NOS1: variants seen among roughly 807,000 people sequenced by gnomAD.
The protein encoded by NOS1 is NOS type I.
A neutral mutation model predicts 164.5 loss-of-function variants in NOS1; 51 were observed. That is an observed-to-expected ratio of 0.31 (90% CI 0.25 to 0.39). The LOEUF is 0.39. Ranked by LOEUF, NOS1 falls within the 10% of genes least tolerant of loss-of-function variation. The probability of loss-of-function intolerance (pLI) is 1.00; values close to 1 mark genes in which losing one functional copy is unlikely to be tolerated. For missense variants in NOS1, 1,362 were observed against 1,885.6 expected (o/e 0.72, Z 5.14); for synonymous variants, 719 against 745.8 (o/e 0.96, Z 0.59).
intron 2 of NOS1, among the ~76,000 whole-genome samples, chr12:117,313,826 C>T (rs913047132): frequency 1.3e-5 from 2 of 152,222 alleles, no homozygotes; most frequent in African/African-American, 4.8e-5. Flanking sequence ...CCTTTTGGCT[C>T]CCCTATCCAA....
rs895441524 is a variant in NOS1, at chr12:117,213,424, G to A, written c.*1885C>T. On this transcript the variant is annotated 3_prime_UTR_variant, in exon 29 of 29. Coordinates refer to ENST00000317775, the MANE Select transcript of NOS1 (RefSeq NM_000620.5). Reference sequence around the variant, plus strand: ...TGTGGAAGAGTGAGCAGGGGAAATTGGGATTAAAGGAAGGCAGGGGAGATT... The same window carrying A: ...TGTGGAAGAGTGAGCAGGGGAAATTAGGATTAAAGGAAGGCAGGGGAGATT... 1 of 985,488 alleles carries A rather than the reference G, an allele frequency of 1.0e-6. No individual in the cohort carries two copies. Among genetic ancestry groups the A allele is most frequent in the Non-Finnish European group, 1.2e-6 (1 of 829,988 alleles). The allele number at this position is 985,488 out of a possible 1,614,324, so 61.0% of individuals were successfully genotyped here.
chr12:117,261,063 GGA>G (rs1871863500), intron 13 of NOS1, among the ~76,000 whole-genome samples: 1 of 151,768 alleles, frequency 6.6e-6, no homozygotes, highest in Non-Finnish European at 1.5e-5. Flanking sequence ...CAGCTACTTG[GGA>G]GGCTAAGGCA....
intron 7 of NOS1, among the ~76,000 whole-genome samples, chr12:117,283,338 G>C (rs918127227): frequency 6.6e-6 from 1 of 152,058 alleles, no homozygotes; most frequent in Non-Finnish European, 1.5e-5. Flanking sequence ...CTGGGATTTC[G>C]GGCGTGAGCC....
intron 28 of NOS1, among the ~76,000 whole-genome samples, chr12:117,216,021 G>C (rs1592918186): frequency 6.6e-6 from 1 of 151,512 alleles, no homozygotes; most frequent in African/African-American, 2.4e-5. Context: ...GGGATTATAG[G>C]CACATGCTAC....
intron 17 of NOS1, among the ~76,000 whole-genome samples, chr12:117,247,902 C>T (rs1357955184): frequency 1.3e-5 from 2 of 149,706 alleles, no homozygotes; most frequent in African/African-American, 2.5e-5. Context: ...GCCAAGATAG[C>T]GCCACTGCAC....
intron 9 of NOS1, among the ~76,000 whole-genome samples, chr12:117,274,416 A>T (rs1283442859): frequency 6.6e-6 from 1 of 152,142 alleles, no homozygotes; most frequent in Non-Finnish European, 1.5e-5. Context: ...ATCCTCAAAA[A>T]ACTGCAAATA....
At chr12:117,298,694 G>A (rs1283485750) in intron 3 of NOS1, among the ~76,000 whole-genome samples, 1 of 152,144 alleles carries the variant, frequency 6.6e-6, no homozygotes, top group Non-Finnish European at 1.5e-5. Context: ...ATGTGAACAT[G>A]AAGACGGCCA....
At chr12:117,310,363 A>G (rs1285280864) in intron 3 of NOS1, among the ~76,000 whole-genome samples, 1 of 152,246 alleles carries the variant, frequency 6.6e-6, no homozygotes, top group Non-Finnish European at 1.5e-5. Context: ...ATGAAATATT[A>G]TATGGCTATA....
intron 17 of NOS1, among the ~76,000 whole-genome samples, chr12:117,249,749 A>G (rs897384120): frequency 3.3e-5 from 5 of 151,896 alleles, no homozygotes; most frequent in African/African-American, 1.2e-4. Flanking sequence ...CTCTATGTTG[A>G]GGTGGGGACA....
intron 20 of NOS1, among the ~76,000 whole-genome samples, chr12:117,235,565 C>T (rs1000744661): frequency 9.2e-5 from 14 of 152,156 alleles, no homozygotes; most frequent in African/African-American, 3.1e-4. Flanking sequence ...TCCTCCTATG[C>T]ATAAATTCAT....
At chr12:117,292,113 T>C (rs975297708) in intron 3 of NOS1, among the ~76,000 whole-genome samples, 1 of 152,198 alleles carries the variant, frequency 6.6e-6, no homozygotes, top group African/African-American at 2.4e-5. Context: ...GCTCAATAAA[T>C]AGGCACTGGG....
intron 3 of NOS1, 103 bp from the exon 4 acceptor site, chr12:117,290,529 C>T (rs1207772405): frequency 7.3e-7 from 1 of 1,364,100 alleles, no homozygotes; most frequent in Middle Eastern, 2.7e-4. Context: ...TGGGATCTGC[C>T]TTGAGTGACC....
intron 13 of NOS1, among the ~76,000 whole-genome samples, chr12:117,263,584 T>C (rs879346908): frequency 2.0e-3 from 81 of 40,546 alleles, no homozygotes; most frequent in Non-Finnish European, 5.2e-3. Context: ...ACTATTATTA[T>C]TATTATTATT....
At position 117,272,331 on chromosome 12, in the gene NOS1, C is replaced by T. The variant is rs1872851972; in HGVS notation, c.1839+54G>A. 1.9e-6 allele frequency: 3 copies of T among 1,598,790 alleles called. No individual in the cohort carries two copies. The Admixed American group carries it at 5.0e-5, about 27-fold the overall frequency. On this transcript the variant is annotated intron_variant, in intron 10 of 28. Coordinates refer to ENST00000317775, the MANE Select transcript of NOS1 (RefSeq NM_000620.5). This position sits in a 1 kb window ranked among gnomAD's most constrained non-coding sequence, Gnocchi z 4.3. ...CGCCGTGGGGAAGGGGACTGCTGAG[C>T]TGGCACCCTCTGCTATGTGCTTTTC... is the stretch of plus-strand genomic sequence containing the variant.
chr12:117,299,135 C>G (rs939358990), intron 3 of NOS1, among the ~76,000 whole-genome samples: 2 of 152,210 alleles, frequency 1.3e-5, no homozygotes, highest in African/African-American at 4.8e-5. Flanking sequence ...TCCCGGGCAG[C>G]AAGCATAACC....
At chr12:117,279,194 T>A (rs1437052451) in intron 8 of NOS1, among the ~76,000 whole-genome samples, 1 of 151,820 alleles carries the variant, frequency 6.6e-6, no homozygotes, top group African/African-American at 2.4e-5. Context: ...CTGGCCAACA[T>A]GGTGAAACCC....
rs1555252511 is a variant in NOS1, at chr12:117,256,284, G to GTTTGTTTTT, written c.2531+2112_2531+2113insAAAAACAAA. 1.7e-3 allele frequency among the ~76,000 whole-genome samples: 204 copies of GTTTGTTTTT among 118,446 alleles called. 6 individuals carry two copies. Among genetic ancestry groups the GTTTGTTTTT allele is most frequent in the African/African-American group, 7.5e-3 (196 of 26,148 alleles). 77.7% of individuals were successfully genotyped at this position (118,446 alleles called of 152,430 possible). A position where few individuals can be genotyped will look rare whatever the true frequency, so the allele number is the denominator to read the frequency against. On this transcript the variant is annotated intron_variant, in intron 16 of 28. Transcript: ENST00000317775. ...CAAAGAAAATCAGAAGGGATTTTCT[G>GTTTGTTTTT]TTTTTTTTTTTTGAGACGGAGTCTC...
Position 117,214,698 on chromosome 12 carries a change from C to T in NOS1, c.*611G>A, listed in dbSNP as rs1956575844. On this transcript the variant is annotated 3_prime_UTR_variant, in exon 29 of 29. Transcript: ENST00000317775. The stretch of plus-strand genomic sequence containing the variant: ...ATGTTTCAGGTACATGGGCGTGGAC[C>T]CTAATTATGGACACACGAGGGATTA... 1.0e-6 allele frequency: 1 copy of T among 985,188 alleles called. No individual in the cohort carries two copies. The highest frequency in any genetic ancestry group is 1.7e-5 in the African/African-American group (1 of 57,186). 61.0% of individuals were successfully genotyped at this position (985,188 alleles called of 1,614,324 possible). A position where few individuals can be genotyped will look rare whatever the true frequency, so the allele number is the denominator to read the frequency against.
intron 20 of NOS1, among the ~76,000 whole-genome samples, chr12:117,241,468 A>C (rs1388327721): frequency 6.6e-6 from 1 of 151,340 alleles, no homozygotes; most frequent in Non-Finnish European, 1.5e-5. Context: ...GGAATCAACA[A>C]GAGCTTGTCC....
Sources: allele counts gnomAD v4.1 joint callset (sites outside exome capture counted in the v4.1 genomes callset), GRCh38; gene constraint gnomAD v4.1.1; non-coding constraint Gnocchi (gnomAD v3.1); transcripts MANE v1.5; gene names NCBI Gene and HGNC (gene_info 2026-07-23, HGNC 2026-07-21).